The following GRAMD1B variants were observed in gnomAD, a reference collection of about 807,000 sequenced individuals.
GRAMD1B encodes GRAM domain containing 1B.
A neutral mutation model predicts 99.7 loss-of-function variants in GRAMD1B; 37 were observed. That is an observed-to-expected ratio of 0.37 (90% confidence interval 0.29 to 0.49). The LOEUF (loss-of-function observed/expected upper bound fraction) is 0.49, where lower values mean the gene tolerates loss of function less well. Among genes scored for constraint, GRAMD1B ranks in the 20% least tolerant of loss-of-function variants. GRAMD1B has a pLI of 0.98. For missense variants in GRAMD1B, 888 were observed against 1,009.2 expected (o/e 0.88, Z 1.63); for synonymous variants, 427 against 387.6 (o/e 1.10, Z -1.19).
Position 123,605,420 on chromosome 11 carries a change from A to G in GRAMD1B, c.1265A>G (p.Lys422Arg). The change falls in exon 10 of 20, where the codon AAG becomes AGG. Residue 422 changes from lysine to arginine, a missense_variant. Physicochemically the swap from Lys to Arg is conservative, Grantham distance 26. This residue lies in a region of GRAMD1B where 269 missense variants were observed against 296.6 expected (regional missense o/e 0.91). Transcript: ENST00000635736. The stretch of plus-strand genomic sequence containing the variant: ...CCAGATGCCAGTCCACAGCTGCCCA[A>G]GAAATCCATCACCAACAGCACACTA... ...TKPDASPQLP[K>R]KSITNSTLTS... 6.2e-7 allele frequency: 1 copy of G among 1,613,678 alleles called. No homozygotes were observed. The highest frequency in any genetic ancestry group is 8.5e-7 in the Non-Finnish European group (1 of 1,179,688).
chr11:123,451,273 G>A (rs1399584286), intron 1 of GRAMD1B, among the ~76,000 whole-genome samples: 6 of 152,202 alleles, frequency 3.9e-5, no homozygotes, highest in African/African-American at 1.2e-4. Context: ...AGTGACAAGC[G>A]TATGGCATGA....
chr11:123,534,875 A>T (rs1943795814), intron 2 of GRAMD1B, among the ~76,000 whole-genome samples: 1 of 152,084 alleles, frequency 6.6e-6, no homozygotes, highest in Non-Finnish European at 1.5e-5. Context: ...AAAGAAAAAA[A>T]AAAATAATGA....
chr11:123,370,113 G>A (rs1002944180), intron 1 of GRAMD1B, among the ~76,000 whole-genome samples: 1 of 151,520 alleles, frequency 6.6e-6, no homozygotes, highest in East Asian at 2.0e-4. Context: ...TCAGGAGTTC[G>A]AGACCAGCCT....
intron 2 of GRAMD1B, among the ~76,000 whole-genome samples, chr11:123,536,350 G>A (rs1282099809): frequency 2.6e-5 from 4 of 151,890 alleles, no homozygotes; most frequent in Non-Finnish European, 5.9e-5. Context: ...CAGAGGTAGA[G>A]GTTGCAGTGA....
intron 2 of GRAMD1B, among the ~76,000 whole-genome samples, chr11:123,558,233 C>T (rs900294339): frequency 2.0e-5 from 3 of 152,088 alleles, no homozygotes; most frequent in African/African-American, 7.2e-5. Context: ...ATTCACCCGC[C>T]TCTCCCTCCC....
At chr11:123,446,549 G>A (rs1949653749) in intron 1 of GRAMD1B, among the ~76,000 whole-genome samples, 2 of 152,164 alleles carry the variant, frequency 1.3e-5, no homozygotes, top group Admixed American at 6.5e-5. Flanking sequence ...TTAACAGAGA[G>A]GACAGTCGCC....
chr11:123,365,160 G>A (rs1271721810), intron 1 of GRAMD1B, among the ~76,000 whole-genome samples: 2 of 152,150 alleles, frequency 1.3e-5, no homozygotes, highest in Non-Finnish European at 2.9e-5. Context: ...AAATCACATT[G>A]ACAATAAGTG....
At chr11:123,390,368 A>G (rs1444101716) in intron 1 of GRAMD1B, among the ~76,000 whole-genome samples, 1 of 152,150 alleles carries the variant, frequency 6.6e-6, no homozygotes, top group Non-Finnish European at 1.5e-5. Flanking sequence ...GTCTCTGGGC[A>G]TTGCTGAGCA....
intron 2 of GRAMD1B, among the ~76,000 whole-genome samples, chr11:123,554,095 C>A (rs1032938986): frequency 6.6e-6 from 1 of 152,194 alleles, no homozygotes; most frequent in Non-Finnish European, 1.5e-5. Context: ...ATCCTGGTTT[C>A]TCTGTTTACT....
chr11:123,583,164 T>G (rs1049846954), intron 3 of GRAMD1B, among the ~76,000 whole-genome samples: 4 of 151,854 alleles, frequency 2.6e-5, no homozygotes, highest in African/African-American at 9.7e-5. Flanking sequence ...TGTCTGCATG[T>G]GTGGGTGGTG....
At chr11:123,601,892 TA>T (rs1675942324) in intron 8 of GRAMD1B, among the ~76,000 whole-genome samples, 2 of 152,240 alleles carry the variant, frequency 1.3e-5, no homozygotes, top group Non-Finnish European at 2.9e-5. Flanking sequence ...GAGAGTCTGC[TA>T]ACTGTGCTTG....
chr11:123,581,348 C>T (rs1365888197), intron 3 of GRAMD1B, among the ~76,000 whole-genome samples: 1 of 152,202 alleles, frequency 6.6e-6, no homozygotes, highest in Admixed American at 6.5e-5. Flanking sequence ...CAGGTAGGGG[C>T]GCTACAGCAA....
chr11:123,463,348 A>G (rs1328031619), intron 1 of GRAMD1B, among the ~76,000 whole-genome samples: 1 of 152,218 alleles, frequency 6.6e-6, no homozygotes, highest in East Asian at 1.9e-4. Flanking sequence ...ATCAGAGTGT[A>G]TACACTTCTT....
At chr11:123,617,751 T>C (rs1182290471) in intron 17 of GRAMD1B, among the ~76,000 whole-genome samples, 1 of 152,216 alleles carries the variant, frequency 6.6e-6, no homozygotes. Flanking sequence ...GGATCCTCTC[T>C]ACCCATGATG....
chr11:123,476,841 T>C (rs922739006), intron 1 of GRAMD1B, among the ~76,000 whole-genome samples: 5 of 152,216 alleles, frequency 3.3e-5, no homozygotes, highest in African/African-American at 9.6e-5. Flanking sequence ...CACAAAAATC[T>C]TGTTGTTAAG....
At chr11:123,378,959 G>A (rs1365645129) in intron 1 of GRAMD1B, among the ~76,000 whole-genome samples, 1 of 152,028 alleles carries the variant, frequency 6.6e-6, no homozygotes, top group Admixed American at 6.6e-5. Flanking sequence ...TCTTTTTTGA[G>A]GCTTCTTACA....
chr11:123,616,119 C>G (rs372441626), intron 17 of GRAMD1B, among the ~76,000 whole-genome samples: 3 of 152,002 alleles, frequency 2.0e-5, no homozygotes, highest in South Asian at 2.1e-4. Flanking sequence ...GTCAGGAGAT[C>G]GAGACCATCC....
upstream of GRAMD1B, among the ~76,000 whole-genome samples, chr11:123,428,584 T>C (rs898977899): frequency 6.6e-6 from 1 of 152,234 alleles, no homozygotes; most frequent in Non-Finnish European, 1.5e-5. Context: ...AGTTGTGTAA[T>C]GTCAGGATGC....
intron 1 of GRAMD1B, among the ~76,000 whole-genome samples, chr11:123,366,037 C>T (rs1451146217): frequency 6.6e-6 from 1 of 152,218 alleles, no homozygotes; most frequent in South Asian, 2.1e-4. Context: ...AGGATTTAAG[C>T]CTCTATAAAT....
Sources: gnomAD v4.1 joint callset for allele counts (sites outside exome capture counted in the v4.1 genomes callset) on GRCh38, gnomAD v4.1.1 for gene constraint, gnomAD v4.1.1 regional missense constraint, MANE v1.5 for transcripts, NCBI Gene and HGNC (gene_info 2026-07-23, HGNC 2026-07-21) for gene names.